Variants in HHIP observed in about 807,000 individuals in gnomAD.
HHIP encodes hedgehog interacting protein.
Under a neutral mutation model 74.0 loss-of-function variants are expected in HHIP, and 12 were observed. The ratio of observed to expected loss-of-function variants is 0.16; its 90% CI spans 0.10 to 0.26. The LOEUF is 0.26. Among genes scored for constraint, HHIP ranks in the 10% least tolerant of loss-of-function variants. HHIP has a pLI of 1.00. For missense variants in HHIP, 788 were observed against 845.0 expected (o/e 0.93, Z 0.84); for synonymous variants, 309 against 311.6 (o/e 0.99, Z 0.09).
intron 1 of HHIP, among the ~76,000 whole-genome samples, chr4:144,652,228 C>A (rs1256192557): frequency 6.6e-6 from 1 of 151,874 alleles, no homozygotes; most frequent in Non-Finnish European, 1.5e-5. Flanking sequence ...GTTTTGCATG[C>A]GATTGGACAA....
At chr4:144,663,660 A>G (rs1728776878) in intron 4 of HHIP, among the ~76,000 whole-genome samples, 1 of 152,148 alleles carries the variant, frequency 6.6e-6, no homozygotes, top group Non-Finnish European at 1.5e-5. Flanking sequence ...AGCATATGAA[A>G]TACCATTTGA....
chr4:144,723,216 C>A (rs1423278727), intron 11 of HHIP, among the ~76,000 whole-genome samples: 2 of 152,150 alleles, frequency 1.3e-5, no homozygotes, highest in Non-Finnish European at 2.9e-5. Context: ...CCAAGTCACA[C>A]AGACCATTCC....
At chr4:144,727,546 C>T (rs1205645734) in intron 11 of HHIP, among the ~76,000 whole-genome samples, 11 of 152,138 alleles carry the variant, frequency 7.2e-5, no homozygotes, top group Non-Finnish European at 1.5e-5. Flanking sequence ...TGATCAGTTT[C>T]TAAAGCTAGG....
intron 4 of HHIP, among the ~76,000 whole-genome samples, chr4:144,700,887 T>C (rs1729961943): frequency 6.6e-6 from 1 of 152,228 alleles, no homozygotes; most frequent in South Asian, 2.1e-4. Context: ...TCTGGTACTG[T>C]GTTTGAACTA....
In HHIP at chr4:144,724,401, A is replaced by C. The variant is rs150173773; in HGVS notation, c.1760+5445A>C. Among the ~76,000 whole-genome samples the C allele has an allele frequency of 1.4e-4, 22 of 152,236 alleles. No individual in the cohort carries two copies. The East Asian group carries it at 4.2e-3, about 29-fold the overall frequency. ...GACAGATTTGTATTTATAAAATGCAAAACTACTTCTATTTCTCCCCTACTT... is the reference window on the plus strand; with the variant it reads ...GACAGATTTGTATTTATAAAATGCACAACTACTTCTATTTCTCCCCTACTT... On this transcript the variant is annotated intron_variant, in intron 11 of 12. Coordinates refer to ENST00000296575, the MANE Select transcript of HHIP (RefSeq NM_022475.3).
chr4:144,668,812 CA>C (rs1357074161), intron 4 of HHIP, among the ~76,000 whole-genome samples: 1 of 152,078 alleles, frequency 6.6e-6, no homozygotes, highest in Non-Finnish European at 1.5e-5. Context: ...ACCTATCTCT[CA>C]AACCTCAGGC....
rs574547809 is a variant in HHIP, at chr4:144,731,646, C to G, written c.1761-3095C>G. On this transcript the variant is annotated intron_variant, in intron 11 of 12. Coordinates refer to ENST00000296575, the MANE Select transcript of HHIP (RefSeq NM_022475.3). ...TATTGGCCAGGCTGGTCTCAAACTC[C>G]TGACCTCAGGTGATCCACCCACCTC... is the stretch of plus-strand genomic sequence containing the variant. 2.8e-4 allele frequency among the ~76,000 whole-genome samples: 43 copies of G among 152,228 alleles called. 1 individual carries two copies. In the South Asian group the frequency reaches 8.7e-3, roughly 31 times the overall value.
At chr4:144,678,534 C>G (rs1257127586) in intron 4 of HHIP, among the ~76,000 whole-genome samples, 1 of 152,048 alleles carries the variant, frequency 6.6e-6, no homozygotes, top group East Asian at 1.9e-4. Context: ...AATGCTATCC[C>G]TCCCCTAGCC....
Position 144,738,121 on chromosome 4 carries a change from G to T in HHIP, c.*164G>T. ...GTGCAGATCCTCTGTGTGTATGTCA[G>T]CATGTTTGTTCACATATGCACATAC... On this transcript the variant is annotated 3_prime_UTR_variant, in exon 13 of 13. Coordinates refer to ENST00000296575, the MANE Select transcript of HHIP (RefSeq NM_022475.3). 7.7e-7 allele frequency: 1 copy of T among 1,303,774 alleles called. No homozygotes were observed. The highest frequency in any genetic ancestry group is 9.7e-7 in the Non-Finnish European group (1 of 1,026,440). 80.8% of individuals were successfully genotyped at this position (1,303,774 alleles called of 1,614,324 possible).
chr4:144,677,868 T>C (rs1317585676), intron 4 of HHIP, among the ~76,000 whole-genome samples: 1 of 152,176 alleles, frequency 6.6e-6, no homozygotes, highest in Non-Finnish European at 1.5e-5. Flanking sequence ...ATAATATTTG[T>C]TTCTTGCTCA....
At chr4:144,674,493 G>A (rs1222132752) in intron 4 of HHIP, among the ~76,000 whole-genome samples, 1 of 151,986 alleles carries the variant, frequency 6.6e-6, no homozygotes, top group Non-Finnish European at 1.5e-5. Context: ...TTCCTCCACT[G>A]TGAGAATAAA....
chr4:144,691,303 A>G (rs1729656441), intron 4 of HHIP, among the ~76,000 whole-genome samples: 1 of 152,222 alleles, frequency 6.6e-6, no homozygotes, highest in Admixed American at 6.5e-5. Context: ...AAGGTTTATT[A>G]TATCATGCAT....
At chr4:144,730,060 T>C (rs1209312126) in intron 11 of HHIP, among the ~76,000 whole-genome samples, 1 of 152,160 alleles carries the variant, frequency 6.6e-6, no homozygotes, top group Non-Finnish European at 1.5e-5. Context: ...TATCATGAAA[T>C]GAAAACTGTT....
Position 144,723,293 on chromosome 4 carries a change from A to G in HHIP, c.1760+4337A>G, listed in dbSNP as rs146606105. Among the ~76,000 whole-genome samples the G allele has an allele frequency of 1.1e-3, 174 of 152,282 alleles. 1 individual carries two copies. Among genetic ancestry groups the G allele is most frequent in the Non-Finnish European group, 1.0e-3 (70 of 68,024 alleles). ...AGAGGTCATTTTACATACATGTTGTATCCCCAATCTCCTCTGTGACCAATA... is the reference window on the plus strand; with the variant it reads ...AGAGGTCATTTTACATACATGTTGTGTCCCCAATCTCCTCTGTGACCAATA... On this transcript the variant is annotated intron_variant, in intron 11 of 12. Coordinates refer to ENST00000296575, the MANE Select transcript of HHIP (RefSeq NM_022475.3).
intron 4 of HHIP, among the ~76,000 whole-genome samples, chr4:144,679,819 T>C (rs767249974): frequency 3.4e-4 from 52 of 152,234 alleles, no homozygotes; most frequent in African/African-American, 7.0e-4. Context: ...CTTTGAAATA[T>C]GCAGGACATT....
chr4:144,737,617 T>C (rs1214982063), intron 12 of HHIP, 147 bp from the exon 13 acceptor site: 1 of 607,076 alleles, frequency 1.6e-6, no homozygotes, highest in African/African-American at 1.9e-5. Flanking sequence ...CCTACTTGCA[T>C]ATTTATCTTT....
chr4:144,687,297 T>A (rs972566144), intron 4 of HHIP, among the ~76,000 whole-genome samples: 3 of 152,176 alleles, frequency 2.0e-5, no homozygotes, highest in African/African-American at 4.8e-5. Context: ...CAGGAGTGAC[T>A]CGGGGAAAAG....
chr4:144,719,962 T>C (rs1404541621), intron 11 of HHIP, among the ~76,000 whole-genome samples: 1 of 152,216 alleles, frequency 6.6e-6, no homozygotes, highest in Non-Finnish European at 1.5e-5. Context: ...TTTTGTCCTT[T>C]TTCTATGCAA....
chr4:144,666,834 AGTTGTTTAACCTCTCTAGGCTC>A (rs1171023652), intron 4 of HHIP, among the ~76,000 whole-genome samples: 1 of 152,222 alleles, frequency 6.6e-6, no homozygotes. Flanking sequence ...GCCTTGGGCA[AGTTGTTTAACCTCTCTAGGCTC>A]ACTTTCTTTA....
Sources: allele counts gnomAD v4.1 joint callset (sites outside exome capture counted in the v4.1 genomes callset), GRCh38; gene constraint gnomAD v4.1.1; transcripts MANE v1.5; gene names NCBI Gene and HGNC (gene_info 2026-07-23, HGNC 2026-07-21).